The following CDH18 variants were observed in gnomAD, a reference collection of about 807,000 sequenced individuals.
The protein encoded by CDH18 is cadherin-18.
CDH18 carries 31 observed loss-of-function variants against 67.9 expected under a neutral mutation model. The ratio of observed to expected loss-of-function variants is 0.46; its 90% confidence interval spans 0.34 to 0.62. The LOEUF is 0.62. Ranked by LOEUF, CDH18 falls within the 20% of genes least tolerant of loss-of-function variation. The pLI, the probability that CDH18 is intolerant of heterozygous loss-of-function variation, is 0.01. For missense variants in CDH18, 890 were observed against 975.5 expected (o/e 0.91, Z 1.17); for synonymous variants, 362 against 347.2 (o/e 1.04, Z -0.48).
intron 1 of CDH18, among the ~76,000 whole-genome samples, chr5:20,349,336 A>T (rs7703954): frequency 0.13 from 19,435 of 152,092 alleles, 2,335 homozygotes; most frequent in African/African-American, 0.31. Flanking sequence ...GATGTGATTT[A>T]AGCTCATTTG....
intron 3 of CDH18, among the ~76,000 whole-genome samples, chr5:19,801,258 T>C (rs905042480): frequency 1.3e-5 from 2 of 152,216 alleles, no homozygotes; most frequent in Non-Finnish European, 2.9e-5. Context: ...TCAGCATTAC[T>C]CAAAGCCAGG....
rs188737680 is a variant in CDH18, at chr5:19,965,508, C to T, written c.-257+15552G>A. ...CACACTCCCCTGATACAGGAAATGA[C>T]AAGCAGATAATTATAATTTGTAGAT... On this transcript the variant is annotated intron_variant, in intron 2 of 12. Coordinates refer to ENST00000382275, the MANE Select transcript of CDH18 (RefSeq NM_004934.5). Among the ~76,000 whole-genome samples the T allele has an allele frequency of 1.6e-4, 25 of 152,226 alleles. No homozygotes were observed. In the East Asian group the frequency reaches 4.8e-3, roughly 29 times the overall value.
intron 2 of CDH18, among the ~76,000 whole-genome samples, chr5:20,152,193 T>TATATAAAATAC (rs1751176312): frequency 9.5e-6 from 1 of 105,412 alleles, no homozygotes; most frequent in Admixed American, 1.0e-4. Context: ...ATATATAATA[T>TATATAAAATAC]ATATAATTAT....
chr5:20,566,375 T>TTTG, intron 1 of CDH18, among the ~76,000 whole-genome samples: 1 of 148,826 alleles, frequency 6.7e-6, no homozygotes, highest in African/African-American at 2.5e-5. Flanking sequence ...TTTTTTTTTT[T>TTTG]TTTGAGATAG....
chr5:19,721,794 T>TATCA (rs1766136862), intron 4 of CDH18, among the ~76,000 whole-genome samples: 1 of 152,180 alleles, frequency 6.6e-6, no homozygotes, highest in Non-Finnish European at 1.5e-5. Context: ...TGCACTCATA[T>TATCA]ATCAAATTGC....
chr5:19,990,786 AAG>A (rs1561691351), upstream of CDH18, among the ~76,000 whole-genome samples: 9 of 150,940 alleles, frequency 6.0e-5, no homozygotes, highest in East Asian at 7.7e-4. Flanking sequence ...AAAAGAAAAG[AAG>A]AAGAAGAAGA....
chr5:20,462,261 CAGAA>C (rs1227269773), intron 1 of CDH18, among the ~76,000 whole-genome samples: 2 of 151,810 alleles, frequency 1.3e-5, no homozygotes, highest in Non-Finnish European at 2.9e-5. Flanking sequence ...AAGCCAGGCA[CAGAA>C]AGGAAAATAT....
chr5:20,485,923 A>G (rs1450076669), intron 1 of CDH18, among the ~76,000 whole-genome samples: 1 of 152,200 alleles, frequency 6.6e-6, no homozygotes, highest in Non-Finnish European at 1.5e-5. Flanking sequence ...ACAAATATAG[A>G]AGAGTATTAA....
chr5:19,668,540 C>A (rs6863000), intron 5 of CDH18, among the ~76,000 whole-genome samples: 100,543 of 151,882 alleles, frequency 0.66, 33,596 homozygotes, highest in South Asian at 0.75. Context: ...GCTGCAGAGA[C>A]TTATCAAGTC....
In CDH18 at chr5:19,540,408, C is replaced by G. The variant is rs542278285; in HGVS notation, c.1390+3461G>C. The stretch of plus-strand genomic sequence containing the variant: ...GTCAATGGATCTACCATTCTGGGGT[C>G]TGGAGGATGTTGGCCCTCTTCTCAC... On this transcript the variant is annotated intron_variant, in intron 9 of 12. Coordinates refer to ENST00000382275, the MANE Select transcript of CDH18 (RefSeq NM_004934.5). Among the ~76,000 whole-genome samples the G allele has an allele frequency of 2.6e-5, 4 of 152,174 alleles. No homozygotes were observed. In the South Asian group the frequency reaches 8.3e-4, roughly 32 times the overall value.
intron 3 of CDH18, among the ~76,000 whole-genome samples, chr5:19,817,610 A>G (rs920761452): frequency 5.9e-5 from 9 of 152,084 alleles, no homozygotes; most frequent in African/African-American, 2.2e-4. Context: ...CACTGCAATC[A>G]TTAATATGGC....
At chr5:20,180,883 T>C (rs978357789) in intron 2 of CDH18, among the ~76,000 whole-genome samples, 9 of 151,518 alleles carry the variant, frequency 5.9e-5, no homozygotes, top group Admixed American at 2.0e-4. Context: ...TGTGGGGATA[T>C]AGACGGATCA....
intron 2 of CDH18, among the ~76,000 whole-genome samples, chr5:19,839,480 G>A (rs965438161): frequency 1.3e-5 from 2 of 151,966 alleles, no homozygotes; most frequent in Non-Finnish European, 2.9e-5. Context: ...GTTTTTGTTA[G>A]ACATAATACA....
At chr5:20,478,619 G>A (rs945991032) in intron 1 of CDH18, among the ~76,000 whole-genome samples, 5 of 152,058 alleles carry the variant, frequency 3.3e-5, no homozygotes, top group South Asian at 4.1e-4. Context: ...TAAGGTTCCC[G>A]ACTCTCGACA....
intron 4 of CDH18, among the ~76,000 whole-genome samples, chr5:19,732,150 C>T (rs566384797): frequency 6.6e-6 from 1 of 150,916 alleles, no homozygotes; most frequent in East Asian, 2.0e-4. Context: ...TAGTGCCTTC[C>T]CATAATTTAA....
intron 2 of CDH18, among the ~76,000 whole-genome samples, chr5:19,938,052 A>AAT (rs1391760007): frequency 6.8e-6 from 1 of 147,812 alleles, no homozygotes; most frequent in African/African-American, 2.5e-5. Context: ...TATATATTTA[A>AAT]ATATATATAT....
At chr5:20,090,847 T>C (rs892744185) in intron 2 of CDH18, among the ~76,000 whole-genome samples, 2 of 151,818 alleles carry the variant, frequency 1.3e-5, no homozygotes, top group Admixed American at 1.3e-4. Context: ...CTGGGCAACA[T>C]GGTGAAACCC....
At chr5:20,425,105 C>T (rs1264573359) in intron 1 of CDH18, among the ~76,000 whole-genome samples, 5 of 151,020 alleles carry the variant, frequency 3.3e-5, no homozygotes, top group East Asian at 1.9e-4. Context: ...CGGTGACTCA[C>T]GCCTATAATC....
At chr5:20,306,319 T>G (rs1264749036) in intron 1 of CDH18, among the ~76,000 whole-genome samples, 1 of 152,214 alleles carries the variant, frequency 6.6e-6, no homozygotes, top group African/African-American at 2.4e-5. Flanking sequence ...TCCAATATAC[T>G]CTACAGAAAA....
Sources: gnomAD v4.1 joint callset for allele counts (sites outside exome capture counted in the v4.1 genomes callset) on GRCh38, gnomAD v4.1.1 for gene constraint, MANE v1.5 for transcripts, NCBI Gene and HGNC (gene_info 2026-07-23, HGNC 2026-07-21) for gene names.